Variants in ATP2A3 observed in about 807,000 individuals in gnomAD.
The protein encoded by ATP2A3 is ATPase sarcoplasmic/endoplasmic reticulum Ca2+ transporting 3.
ATP2A3 carries 61 observed loss-of-function variants against 106.8 expected under a neutral mutation model. That is an observed-to-expected ratio of 0.57 (90% CI 0.46 to 0.71). ATP2A3 has a LOEUF of 0.71. Among genes scored for constraint, ATP2A3 ranks in the 30% least tolerant of loss-of-function variants. The probability of loss-of-function intolerance (pLI) is 0.00; values close to 1 mark genes in which losing one functional copy is unlikely to be tolerated. For missense variants in ATP2A3, 1,201 were observed against 1,423.5 expected (o/e 0.84, Z 2.52); for synonymous variants, 611 against 609.3 (o/e 1.00, Z -0.04).
chr17:3,950,522 T>C lies in ATP2A3; in HGVS notation c.619A>G (p.Met207Val), dbSNP rs1182833580. ...GACATTTGACTTACAGAAAACAGCA[T>C]GTTCTTCTTGTCCTGGTTCACAGCT... ...PRAVNQDKKN[M>V]LFSGTNITSG... The change falls in exon 7 of 21, where the codon ATG (methionine) becomes GTG (valine). Residue 207 changes from methionine to valine, a missense_variant. Coordinates refer to ENST00000397041, the MANE Select transcript of ATP2A3 (RefSeq NM_005173.4). The C allele has an allele frequency of 6.2e-7, 1 of 1,614,126 alleles. No homozygotes were observed. Among genetic ancestry groups the C allele is most frequent in the East Asian group, 2.2e-5 (1 of 44,870 alleles).
intron 9 of ATP2A3, 127 bp from the exon 10 acceptor site, chr17:3,944,933 G>C (rs935629928): frequency 4.1e-5 from 55 of 1,329,576 alleles, no homozygotes; most frequent in Admixed American, 2.7e-4. Flanking sequence ...CCGCCTCCTG[G>C]CCCCGCCCCG....
In ATP2A3 at chr17:3,941,241, G is replaced by T; in HGVS notation, c.1830C>A (p.Cys610Ter). The T allele has an allele frequency of 6.2e-7, 1 of 1,614,052 alleles. No individual in the cohort carries two copies. The highest frequency in any genetic ancestry group is 8.5e-7 in the Non-Finnish European group (1 of 1,180,026). Residue 610 changes from cysteine to a stop codon, truncating the protein, a stop_gained, in exon 14 of 21, where the codon TGC becomes TGA. Coordinates refer to ENST00000397041, the MANE Select transcript of ATP2A3 (RefSeq NM_005173.4). LOFTEE classifies it high-confidence loss of function. Reference protein sequence around the residue: ...LDPPRPEVAACITRCYQAGIR... With the variant: ...LDPPRPEVAA ...TGCCCGCCTGGTAGCAGCGTGTGATGCAGGCAGCCACCTCAGGTCGCGGCG... is the reference window on the plus strand; with the variant it reads ...TGCCCGCCTGGTAGCAGCGTGTGATTCAGGCAGCCACCTCAGGTCGCGGCG...
intron 4 of ATP2A3, 60 bp downstream of exon 4, chr17:3,951,521 G>A (rs956442362): frequency 8.8e-5 from 137 of 1,558,980 alleles, no homozygotes; most frequent in Non-Finnish European, 1.2e-4. Flanking sequence ...ACCAGGTGGA[G>A]GGCACTCCTA....
At chr17:3,937,922 G>C (rs945810137) in intron 14 of ATP2A3, among the ~76,000 whole-genome samples, 4 of 152,168 alleles carry the variant, frequency 2.6e-5, no homozygotes, top group Non-Finnish European at 4.4e-5. Context: ...GATGAGGGTA[G>C]GGATGAAATT....
chr17:3,941,605 C>A lies in ATP2A3; in HGVS notation c.1595G>T (p.Ser532Ile). Residue 532 changes from serine to isoleucine, a missense_variant, in exon 13 of 21, where the codon AGC (serine) becomes ATC (isoleucine). Physicochemically the swap from Ser to Ile is moderately radical, Grantham distance 142. Around this residue, in one of 2 missense-constraint regions of ATP2A3, gnomAD observed 935 missense variants for 1,176.7 expected, o/e 0.79. Transcript: ENST00000397041. ...IERCSSVRVG[S>I]RTAPLTPTSR... is the part of the protein sequence containing the mutation. ...GGTGGGGGTCAGGGGTGCTGTGCGG[C>A]TCCCCACGCGGACTGAGCTACAGCG... 6.2e-7 allele frequency: 1 copy of A among 1,611,892 alleles called. No individual in the cohort carries two copies. The highest frequency in any genetic ancestry group is 1.1e-5 in the South Asian group (1 of 91,060).
In ATP2A3 at chr17:3,953,486, G is replaced by C; in HGVS notation, c.137-57C>G. The C allele has an allele frequency of 6.3e-7, 1 of 1,590,290 alleles. No homozygotes were observed. The highest frequency in any genetic ancestry group is 8.6e-7 in the Non-Finnish European group (1 of 1,159,010). On this transcript the variant is annotated intron_variant, in intron 2 of 20. Coordinates refer to ENST00000397041, the MANE Select transcript of ATP2A3 (RefSeq NM_005173.4). The surrounding 1 kb of genome is among the most constrained non-coding windows in gnomAD (Gnocchi z 5.1). ...CCCCACCACTGACCCTGCCCACTCA[G>C]AGCTGGGATGGCCCGGGAGACCTCC...
At chr17:3,948,883 C>G (rs2054262872) in intron 7 of ATP2A3, among the ~76,000 whole-genome samples, 1 of 151,910 alleles carries the variant, frequency 6.6e-6, no homozygotes, top group Non-Finnish European at 1.5e-5. Flanking sequence ...AATCTCAGAA[C>G]TTTGGGAGGC....
At chr17:3,940,649 A>G (rs1395043786) in intron 14 of ATP2A3, among the ~76,000 whole-genome samples, 1 of 152,088 alleles carries the variant, frequency 6.6e-6, no homozygotes, top group Non-Finnish European at 1.5e-5. Flanking sequence ...CTGGGGTTAC[A>G]GGAATGCACC....
intron 15 of ATP2A3, 103 bp downstream of exon 15, chr17:3,937,313 G>T: frequency 7.5e-7 from 1 of 1,337,650 alleles, no homozygotes. Context: ...GCAGGGCACA[G>T]GCCCCTCCAT....
chr17:3,954,350 A>G (rs1327616557), intron 1 of ATP2A3, among the ~76,000 whole-genome samples: 5 of 151,676 alleles, frequency 3.3e-5, no homozygotes, highest in African/African-American at 4.8e-5. Flanking sequence ...GATCCCTCCC[A>G]TGGTGCAGTC....
chr17:3,954,101 C>A (rs1340404738), intron 1 of ATP2A3, among the ~76,000 whole-genome samples: 1 of 152,144 alleles, frequency 6.6e-6, no homozygotes, highest in East Asian at 1.9e-4. Context: ...CGGCTCCCTG[C>A]ATAGCCCTTC....
At chr17:3,961,022 GCTC>G (rs1273215609) in intron 1 of ATP2A3, among the ~76,000 whole-genome samples, 1 of 152,182 alleles carries the variant, frequency 6.6e-6, no homozygotes, top group Admixed American at 6.6e-5. Flanking sequence ...GCCCCACCGT[GCTC>G]CTCCTGGCAC....
chr17:3,924,396 T>A lies in ATP2A3; in HGVS notation c.*1026A>T. 5.5e-6 allele frequency: 1 copy of A among 182,208 alleles called. No individual in the cohort carries two copies. The highest frequency in any genetic ancestry group is 9.2e-5 in the South Asian group (1 of 10,828). The allele number at this position is 182,208 out of a possible 1,614,324, so 11.3% of individuals were successfully genotyped here. On this transcript the variant is annotated 3_prime_UTR_variant, in exon 21 of 21. Coordinates refer to ENST00000397041, the MANE Select transcript of ATP2A3 (RefSeq NM_005173.4). This position sits in a 1 kb window ranked among gnomAD's most constrained non-coding sequence, Gnocchi z 6.4. ...GGTGCCCTTGGGGAATCAGCCATCC[T>A]TAGTGACATCCTTTCGGCTCATGGG...
Position 3,925,243 on chromosome 17 carries a change from G to C in ATP2A3, c.*179C>G. On this transcript the variant is annotated 3_prime_UTR_variant, in exon 21 of 21. Coordinates refer to ENST00000397041, the MANE Select transcript of ATP2A3 (RefSeq NM_005173.4). This position sits in a 1 kb window ranked among gnomAD's most constrained non-coding sequence, Gnocchi z 4.2. The stretch of plus-strand genomic sequence containing the variant: ...GACCTCCCAGGCCAGAAGGAAGTGG[G>C]GACAGAGACCCCAGGACGGGGCCCG... 1 of 950,370 alleles carries C rather than the reference G, an allele frequency of 1.1e-6. No individual in the cohort carries two copies. The allele number at this position is 950,370 out of a possible 1,614,324, so 58.9% of individuals were successfully genotyped here. A position where few individuals can be genotyped will look rare whatever the true frequency, so the allele number is the denominator to read the frequency against.
At chr17:3,958,673 C>T (rs866606737) in intron 1 of ATP2A3, among the ~76,000 whole-genome samples, 1 of 150,062 alleles carries the variant, frequency 6.7e-6, no homozygotes, top group African/African-American at 2.5e-5. Flanking sequence ...TTGATAATCC[C>T]GTTTTGCAAA....
chr17:3,935,077 T>C lies in ATP2A3; in HGVS notation c.2610+115A>G, dbSNP rs1435974330. On this transcript the variant is annotated intron_variant, in intron 17 of 20. Coordinates refer to ENST00000397041, the MANE Select transcript of ATP2A3 (RefSeq NM_005173.4). ...CCAGGTGGGGATGTTTATTCGTGTA[T>C]AGCGAGTGGGGAAGGACACTGCAGG... 5 of 1,086,624 alleles carry C rather than the reference T, an allele frequency of 4.6e-6. No homozygotes were observed. The East Asian group carries it at 9.9e-5, about 21-fold the overall frequency. The allele number at this position is 1,086,624 out of a possible 1,614,324, so 67.3% of individuals were successfully genotyped here.
In ATP2A3 at chr17:3,925,624, C is replaced by T. The variant is rs1217171300; in HGVS notation, c.2981-183G>A. ...GACCCCCCAAGCTGCATCCAGGATC[C>T]ATCCCCGCAACGTCCCCCACGCCTC... On this transcript the variant is annotated intron_variant, in intron 20 of 20. Transcript: ENST00000397041. The surrounding 1 kb of genome is among the most constrained non-coding windows in gnomAD (Gnocchi z 4.2). 1.3e-5 allele frequency among the ~76,000 whole-genome samples: 2 copies of T among 151,648 alleles called. No homozygotes were observed. The highest frequency in any genetic ancestry group is 1.3e-4 in the Admixed American group (2 of 15,228).
chr17:3,960,698 C>T (rs2144779611), intron 1 of ATP2A3, among the ~76,000 whole-genome samples: 2 of 152,348 alleles, frequency 1.3e-5, no homozygotes, highest in South Asian at 4.1e-4. Context: ...GACTCTTCCA[C>T]CTGACTGGCA....
At position 3,930,574 on chromosome 17, in the gene ATP2A3, GATCCC is replaced by G; in HGVS notation, c.2611-145_2611-141del. ...AAACACTGCCGTGGGGTGGGCTGGG[GATCCC>G]GGGAGGGGTGCGGGGTCGGGGCGGC... is the stretch of plus-strand genomic sequence containing the variant. On this transcript the variant is annotated intron_variant, in intron 17 of 20. Coordinates refer to ENST00000397041, the MANE Select transcript of ATP2A3 (RefSeq NM_005173.4). The surrounding 1 kb of genome is among the most constrained non-coding windows in gnomAD (Gnocchi z 5.4). The G allele has an allele frequency of 1.2e-6, 1 of 841,302 alleles. No homozygotes were observed. The highest frequency in any genetic ancestry group is 1.8e-6 in the Non-Finnish European group (1 of 570,182). 52.1% of individuals were successfully genotyped at this position (841,302 alleles called of 1,614,324 possible). A position where few individuals can be genotyped will look rare whatever the true frequency, so the allele number is the denominator to read the frequency against.
Sources: allele counts gnomAD v4.1 joint callset (sites outside exome capture counted in the v4.1 genomes callset), GRCh38; gene constraint gnomAD v4.1.1; regional missense constraint gnomAD v4.1.1; non-coding constraint Gnocchi (gnomAD v3.1); transcripts MANE v1.5; gene names NCBI Gene and HGNC (gene_info 2026-07-23, HGNC 2026-07-21).